Variants in LIN52 observed in about 807,000 individuals in gnomAD.
LIN52 encodes protein lin-52 homolog.
In LIN52, 4 loss-of-function variants were observed where a neutral mutation model predicts 18.5. That is an observed-to-expected ratio of 0.22 (90% confidence interval 0.11 to 0.49). LIN52 has a LOEUF of 0.49. LIN52 is among the 20% of genes least tolerant of loss of function. The pLI, the probability that LIN52 is intolerant of heterozygous loss-of-function variation, is 0.97. For missense variants in LIN52, 102 were observed against 139.5 expected (o/e 0.73, Z 1.35); for synonymous variants, 34 against 45.5 (o/e 0.75, Z 1.02).
intron 5 of LIN52, among the ~76,000 whole-genome samples, chr14:74,184,491 G>T (rs1353222834): frequency 6.6e-6 from 1 of 152,162 alleles, no homozygotes; most frequent in Non-Finnish European, 1.5e-5. Context: ...AGTCTTTTTG[G>T]CAAGAATGCT....
At chr14:74,171,142 G>C (rs1052047563) in intron 5 of LIN52, among the ~76,000 whole-genome samples, 4 of 151,912 alleles carry the variant, frequency 2.6e-5, no homozygotes, top group Admixed American at 2.6e-4. Flanking sequence ...CTAACACTTT[G>C]AGAGGCTGAG....
intron 5 of LIN52, among the ~76,000 whole-genome samples, chr14:74,146,911 A>G (rs1425648793): frequency 2.0e-5 from 3 of 152,154 alleles, no homozygotes; most frequent in African/African-American, 7.2e-5. Context: ...AAGGACACCA[A>G]GATCATTCAA....
chr14:74,181,439 A>G (rs2061318324), intron 5 of LIN52, among the ~76,000 whole-genome samples: 1 of 151,916 alleles, frequency 6.6e-6, no homozygotes, highest in Non-Finnish European at 1.5e-5. Context: ...CCCTGTCAAA[A>G]AAAAAAAAAA....
chr14:74,131,911 G>A (rs2061070412), intron 5 of LIN52, among the ~76,000 whole-genome samples: 2 of 152,274 alleles, frequency 1.3e-5, no homozygotes, highest in South Asian at 4.1e-4. Flanking sequence ...AGGAATCTTA[G>A]AGATAGAGTC....
intron 5 of LIN52, among the ~76,000 whole-genome samples, chr14:74,110,510 C>T (rs2060919672): frequency 6.6e-6 from 1 of 152,040 alleles, no homozygotes; most frequent in Non-Finnish European, 1.5e-5. Flanking sequence ...AAAACCTTGT[C>T]TCTACAAAAA....
chr14:74,187,790 G>A (rs1456608802), intron 5 of LIN52, among the ~76,000 whole-genome samples: 1 of 152,114 alleles, frequency 6.6e-6, no homozygotes. Context: ...GTTAATCTTA[G>A]GGGAAAATTT....
At chr14:74,169,670 A>G (rs557230098) in intron 5 of LIN52, among the ~76,000 whole-genome samples, 36 of 152,344 alleles carry the variant, frequency 2.4e-4, no homozygotes, top group Non-Finnish European at 3.2e-4. Context: ...AAATAGTTCA[A>G]TGTATTTGAA....
intron 5 of LIN52, among the ~76,000 whole-genome samples, chr14:74,149,574 T>G (rs1261160873): frequency 6.6e-6 from 1 of 152,214 alleles, no homozygotes; most frequent in Non-Finnish European, 1.5e-5. Context: ...ATTATAGTAA[T>G]TCCGATTCAA....
At chr14:74,103,744 T>G (rs1490445929) in intron 5 of LIN52, among the ~76,000 whole-genome samples, 5 of 83,734 alleles carry the variant, frequency 6.0e-5, no homozygotes, top group African/African-American at 1.5e-4. Flanking sequence ...TTTTTTTTTT[T>G]TTTTTTTTTT....
At chr14:74,093,321 C>CTTT (rs1295151671) in intron 2 of LIN52, among the ~76,000 whole-genome samples, 40 of 120,534 alleles carry the variant, frequency 3.3e-4, no homozygotes, top group African/African-American at 4.1e-4. Context: ...TTCAATCACT[C>CTTT]TTTTTTTTTT....
intron 5 of LIN52, among the ~76,000 whole-genome samples, chr14:74,119,052 C>T (rs767138616): frequency 1.1e-4 from 16 of 151,922 alleles, no homozygotes; most frequent in East Asian, 5.8e-4. Context: ...TTTATTTCCT[C>T]GTTCTACTAA....
intron 5 of LIN52, among the ~76,000 whole-genome samples, chr14:74,194,134 G>A (rs186766726): frequency 3.3e-5 from 5 of 152,324 alleles, no homozygotes; most frequent in African/African-American, 1.2e-4. Flanking sequence ...GGGGAAAGGT[G>A]CAGAGCCCTG....
Position 74,198,988 on chromosome 14 carries a change from C to T in LIN52, c.*11C>T, listed in dbSNP as rs370591367. 17 of 1,602,238 alleles carry T rather than the reference C, an allele frequency of 1.1e-5. No individual in the cohort carries two copies. Among genetic ancestry groups the T allele is most frequent in the African/African-American group, 2.7e-5 (2 of 74,760 alleles). On this transcript the variant is annotated 3_prime_UTR_variant, in exon 6 of 6. Transcript: ENST00000555028. ...AAGCCCAAGAAGTAGCAGCTGCTTG[C>T]GGACAGGATGTCCTGGGGTCCGAAA...
intron 5 of LIN52, among the ~76,000 whole-genome samples, chr14:74,194,282 A>G (rs901837483): frequency 2.6e-5 from 4 of 152,240 alleles, no homozygotes; most frequent in Non-Finnish European, 5.9e-5. Context: ...AGAAAAATTT[A>G]CTGCAGAGAA....
At chr14:74,184,463 T>G (rs2061332674) in intron 5 of LIN52, among the ~76,000 whole-genome samples, 1 of 152,218 alleles carries the variant, frequency 6.6e-6, no homozygotes, top group African/African-American at 2.4e-5. Flanking sequence ...AGCTAGATAA[T>G]GGATTGGGTT....
At chr14:74,186,295 A>C (rs1006253133) in intron 5 of LIN52, among the ~76,000 whole-genome samples, 16 of 151,674 alleles carry the variant, frequency 1.1e-4, no homozygotes, top group African/African-American at 1.2e-4. Flanking sequence ...CTGTCTCAAA[A>C]AAACAAACAA....
At chr14:74,118,119 G>T (rs1426505918) in intron 5 of LIN52, among the ~76,000 whole-genome samples, 1 of 152,054 alleles carries the variant, frequency 6.6e-6, no homozygotes, top group Non-Finnish European at 1.5e-5. Flanking sequence ...AAAGAGAGCC[G>T]GACAAGCTGA....
chr14:74,124,065 A>AT (rs1362320090), intron 5 of LIN52, among the ~76,000 whole-genome samples: 1 of 151,798 alleles, frequency 6.6e-6, no homozygotes, highest in African/African-American at 2.4e-5. Flanking sequence ...TTATTTATTT[A>AT]TTTTTTTTAC....
chr14:74,107,104 C>T (rs959281611), intron 5 of LIN52, among the ~76,000 whole-genome samples: 1 of 152,172 alleles, frequency 6.6e-6, no homozygotes, highest in Non-Finnish European at 1.5e-5. Flanking sequence ...GGAAATTGTT[C>T]TTTTTCTGGG....
Sources: gnomAD v4.1 joint callset for allele counts (sites outside exome capture counted in the v4.1 genomes callset) on GRCh38, gnomAD v4.1.1 for gene constraint, MANE v1.5 for transcripts, NCBI Gene and HGNC (gene_info 2026-07-23, HGNC 2026-07-21) for gene names.